The following OR5V1 variants were observed in gnomAD, a reference collection of about 807,000 sequenced individuals.
OR5V1 encodes the protein olfactory receptor 5V1.
For missense variants in OR5V1, 365 were observed against 371.5 expected (o/e 0.98, Z 0.14); for synonymous variants, 134 against 143.2 (o/e 0.94, Z 0.46).
At chr6:29,362,887 A>G (rs937554929) in intron 1 of OR5V1, among the ~76,000 whole-genome samples, 1 of 152,214 alleles carries the variant, frequency 6.6e-6, no homozygotes, top group Admixed American at 6.5e-5. Flanking sequence ...CAATTAAAAG[A>G]GCTAAAGAAG....
chr6:29,365,837 A>G (rs943391248), intron 1 of OR5V1, among the ~76,000 whole-genome samples: 1 of 152,218 alleles, frequency 6.6e-6, no homozygotes, highest in Non-Finnish European at 1.5e-5. Flanking sequence ...TCATTCTACT[A>G]TAAAGACACA....
At chr6:29,360,299 G>A (rs1778506974) in intron 1 of OR5V1, among the ~76,000 whole-genome samples, 2 of 152,204 alleles carry the variant, frequency 1.3e-5, no homozygotes, top group African/African-American at 4.8e-5. Context: ...ATCTTCCTGG[G>A]ACAGAGCACC....
At position 29,361,587 on chromosome 6, in the gene OR5V1, G is replaced by A. The variant is rs367548075; in HGVS notation, c.-82-5310C>T. On this transcript the variant is annotated intron_variant, in intron 1 of 1. Transcript: ENST00000641768. ...CATCAGACTAACAGTGGATCTCTCC[G>A]CAGAAAACCCACAAGCCAGAAGAGA... 8.7e-4 allele frequency among the ~76,000 whole-genome samples: 133 copies of A among 152,190 alleles called. 2 individuals are homozygous for A. The South Asian group carries it at 0.023, about 26-fold the overall frequency.
rs2151268899 is a variant in OR5V1, at chr6:29,355,509, C to G, written c.687G>C (p.Gln229His). The G allele has an allele frequency of 6.2e-7, 1 of 1,613,724 alleles. No individual in the cohort carries two copies. Among genetic ancestry groups the G allele is most frequent in the Non-Finnish European group, 8.5e-7 (1 of 1,179,664 alleles). ...AGGCTTTTCGTCTTCCCTCTGAGGA[C>G]TGGATCCTCAAGATGGTGGAGATTA... The part of the protein sequence containing the change: ...ICIISTILRI[Q>H]SSEGRRKAFS... Residue 229 changes from glutamine to histidine, a missense_variant, in exon 2 of 2, where the codon CAG becomes CAC. Coordinates refer to ENST00000641768, the MANE Select transcript of OR5V1 (RefSeq NM_030876.6).
intron 1 of OR5V1, among the ~76,000 whole-genome samples, chr6:29,362,436 C>A (rs1424991590): frequency 6.6e-6 from 1 of 152,122 alleles, no homozygotes; most frequent in African/African-American, 2.4e-5. Context: ...ACCAAGCAGA[C>A]CTAATAGACA....
intron 1 of OR5V1, among the ~76,000 whole-genome samples, chr6:29,367,369 A>G (rs1778904823): frequency 6.6e-6 from 1 of 152,194 alleles, no homozygotes; most frequent in Non-Finnish European, 1.5e-5. Flanking sequence ...CTTATGGTGC[A>G]TATTCTGTCT....
chr6:29,358,382 C>T (rs1010910032), intron 1 of OR5V1, among the ~76,000 whole-genome samples: 3 of 152,090 alleles, frequency 2.0e-5, no homozygotes, highest in Non-Finnish European at 4.4e-5. Flanking sequence ...ATTAATAGAG[C>T]CATTTTGGAA....
chr6:29,358,371 A>C (rs1778414774), intron 1 of OR5V1, among the ~76,000 whole-genome samples: 1 of 152,188 alleles, frequency 6.6e-6, no homozygotes, highest in Admixed American at 6.5e-5. Flanking sequence ...TGGAAATGTA[A>C]ATTAATAGAG....
chr6:29,360,483 T>TGA (rs1013910736), intron 1 of OR5V1, among the ~76,000 whole-genome samples: 1 of 152,208 alleles, frequency 6.6e-6, no homozygotes, highest in African/African-American at 2.4e-5. Flanking sequence ...GCCTACTGAC[T>TGA]GAGAGAGACT....
At chr6:29,363,439 G>T (rs1040081334) in intron 1 of OR5V1, among the ~76,000 whole-genome samples, 3 of 152,040 alleles carry the variant, frequency 2.0e-5, no homozygotes, top group Admixed American at 1.3e-4. Flanking sequence ...CTCCTCTCTA[G>T]CTCATTTTAT....
chr6:29,355,782 C>T lies in OR5V1; in HGVS notation c.414G>A (p.Lys138=). 1 of 1,614,056 alleles carries T rather than the reference C, an allele frequency of 6.2e-7. No individual in the cohort carries two copies. Among genetic ancestry groups the T allele is most frequent in the Non-Finnish European group, 8.5e-7 (1 of 1,179,952 alleles). ...NPLRYSVILS[K]VLCNQLAASC... Reference sequence around the variant, plus strand: ...AGGCTGCTAATTGATTGCATAGAACCTTGCTCAGAATAACTGAATACCTTA... The same window carrying T: ...AGGCTGCTAATTGATTGCATAGAACTTTGCTCAGAATAACTGAATACCTTA... Residue 138 remains lysine (K), a synonymous_variant, in exon 2 of 2, where the codon AAG becomes AAA. Transcript: ENST00000641768.
chr6:29,365,491 A>C (rs903885310), intron 1 of OR5V1, among the ~76,000 whole-genome samples: 3 of 152,222 alleles, frequency 2.0e-5, no homozygotes, highest in Non-Finnish European at 4.4e-5. Flanking sequence ...AAAGTGGGTG[A>C]TGGATATGAA....
intron 1 of OR5V1, among the ~76,000 whole-genome samples, chr6:29,357,393 C>A (rs891621334): frequency 4.6e-5 from 7 of 152,118 alleles, no homozygotes; most frequent in African/African-American, 1.7e-4. Context: ...GTTTATCACT[C>A]CCAAAGCTAA....
At chr6:29,364,210 T>A (rs1481857893) in intron 1 of OR5V1, among the ~76,000 whole-genome samples, 4 of 151,830 alleles carry the variant, frequency 2.6e-5, no homozygotes, top group Non-Finnish European at 5.9e-5. Context: ...CATAAAAAAA[T>A]AAGATACCTA....
intron 1 of OR5V1, among the ~76,000 whole-genome samples, chr6:29,366,990 C>T (rs973551235): frequency 6.6e-6 from 1 of 152,192 alleles, no homozygotes; most frequent in African/African-American, 2.4e-5. Flanking sequence ...TACTTCAAAA[C>T]ATGCCTTTCC....
rs759953576 is a variant in OR5V1 at position 29,355,682 on chromosome 6, T to C, written c.514A>G (p.Asn172Asp). Residue 172 changes from asparagine (N) to aspartate (D), a missense_variant, in exon 2 of 2, where the codon AAT becomes GAT. Transcript: ENST00000641768. ...LTFCLPFCGNNQINYFFCDIP... is the reference protein window; with the variant it reads ...LTFCLPFCGNDQINYFFCDIP... ...TCACAGAAGAAGTAATTAATCTGAT[T>C]GTTGCCACAGAAGGGCAGGCAGAAT... The C allele has an allele frequency of 1.2e-6, 2 of 1,613,924 alleles. No homozygotes were observed. Among genetic ancestry groups the C allele is most frequent in the African/African-American group, 2.7e-5 (2 of 74,926 alleles).
intron 1 of OR5V1, among the ~76,000 whole-genome samples, chr6:29,366,237 G>A (rs1299017798): frequency 1.3e-5 from 2 of 150,270 alleles, no homozygotes; most frequent in African/African-American, 2.5e-5. Context: ...GTGTTGATCA[G>A]TGCAGCAAAC....
intron 1 of OR5V1, among the ~76,000 whole-genome samples, chr6:29,360,859 T>C (rs1187997545): frequency 6.6e-6 from 1 of 152,110 alleles, no homozygotes; most frequent in Non-Finnish European, 1.5e-5. Context: ...AAAAACATTC[T>C]TCTAGAGAAA....
Position 29,356,006 on chromosome 6 carries a change from C to T in OR5V1, c.190G>A (p.Gly64Arg), listed in dbSNP as rs1778279742. Residue 64 changes from glycine to arginine, a missense_variant, in exon 2 of 2, where the codon GGG (glycine) becomes AGG (arginine). Physicochemically the swap from Gly to Arg is moderately radical, Grantham distance 125. Transcript: ENST00000641768. ...HLHTPMYYFL[G>R]NLAFIDICYT... ...CAGATGTCAATAAAGGCCAAGTTCC[C>T]TAGAAAATAATACATAGGTGTATGC... 2 of 1,613,974 alleles carry T rather than the reference C, an allele frequency of 1.2e-6. No homozygotes were observed. The highest frequency in any genetic ancestry group is 1.3e-5 in the African/African-American group (1 of 75,004).
Sources: allele counts gnomAD v4.1 joint callset (sites outside exome capture counted in the v4.1 genomes callset), GRCh38; gene constraint gnomAD v4.1.1; transcripts MANE v1.5; gene names NCBI Gene and HGNC (gene_info 2026-07-23, HGNC 2026-07-21).